The following PXDN variants were observed in gnomAD, a reference collection of about 807,000 sequenced individuals.
The protein encoded by PXDN is peroxidasin, also known as peroxidasin homolog.
In PXDN, 77 loss-of-function variants were observed where a neutral mutation model predicts 140.3. The observed-to-expected ratio is 0.55, with a 90% confidence interval of 0.46 to 0.66. PXDN has a LOEUF of 0.66. Among genes scored for constraint, PXDN ranks in the 30% least tolerant of loss-of-function variants. The pLI is 0.00. For missense variants in PXDN, 1,838 were observed against 2,039.5 expected (o/e 0.90, Z 1.90); for synonymous variants, 911 against 857.4 (o/e 1.06, Z -1.09).
At chr2:1,658,248 A>T (rs1249949757) in intron 14 of PXDN, among the ~76,000 whole-genome samples, 1 of 141,986 alleles carries the variant, frequency 7.0e-6, no homozygotes, top group African/African-American at 3.1e-5. Flanking sequence ...GTTGTCTTCA[A>T]ATTTACACCA....
At chr2:1,664,755 C>T in intron 11 of PXDN, 2 of 551,210 alleles carry the variant, frequency 3.6e-6, no homozygotes, top group Non-Finnish European at 6.5e-6. Context: ...CCATGATGTC[C>T]ATGAGGGACG....
At position 1,743,702 on chromosome 2, in the gene PXDN, GGGA is replaced by G. The variant is rs1421779467; in HGVS notation, c.200+551_200+553del. On this transcript the variant is annotated intron_variant, in intron 1 of 22. Coordinates refer to ENST00000252804, the MANE Select transcript of PXDN (RefSeq NM_012293.3). ...GAGGAAGGGGAGGAGGAGGAGGAAGGGGAGGAGGAGGAGGAAGGGGAGGAGGAA... is the reference window on the plus strand; with the variant it reads ...GAGGAAGGGGAGGAGGAGGAGGAAGGGGAGGAGGAGGAAGGGGAGGAGGAA... 1.4e-3 allele frequency among the ~76,000 whole-genome samples: 48 copies of G among 34,030 alleles called. 1 individual carries two copies. Among genetic ancestry groups the G allele is most frequent in the African/African-American group, 4.5e-3 (32 of 7,044 alleles). The allele number at this position is 34,030 out of a possible 152,430, so 22.3% of individuals were successfully genotyped here.
rs73910818 is a variant in PXDN, at chr2:1,661,433, G to A, written c.1681-396C>T. On this transcript the variant is annotated intron_variant, in intron 13 of 22. Transcript: ENST00000252804. ...GGCAAAGAAGGATTCAGAGGCAGAC[G>A]CAGAGGGACAGGTGACCTCCCAGCT... 8.7e-3 allele frequency among the ~76,000 whole-genome samples: 1,318 copies of A among 152,322 alleles called. 13 individuals carry two copies. The highest frequency in any genetic ancestry group is 0.03 in the African/African-American group (1,242 of 41,570).
At chr2:1,732,428 C>A (rs1234442975) in intron 1 of PXDN, among the ~76,000 whole-genome samples, 1 of 148,376 alleles carries the variant, frequency 6.7e-6, no homozygotes, top group Admixed American at 6.8e-5. Context: ...ACACACGGGG[C>A]CAGAAGGATC....
At chr2:1,741,060 T>A (rs188430496) in intron 1 of PXDN, among the ~76,000 whole-genome samples, 2 of 152,084 alleles carry the variant, frequency 1.3e-5, no homozygotes, top group African/African-American at 4.8e-5. Flanking sequence ...TCCATGACCA[T>A]AGCCTCAACC....
At chr2:1,640,936 A>G (rs541389909) in intron 19 of PXDN, among the ~76,000 whole-genome samples, 4 of 152,160 alleles carry the variant, frequency 2.6e-5, no homozygotes, top group African/African-American at 4.8e-5. Flanking sequence ...CCGTCCCTCC[A>G]GGATGGCCGT....
rs919487842 is a variant in PXDN, at chr2:1,714,041, C to G, written c.201-20907G>C. Among the ~76,000 whole-genome samples the G allele has an allele frequency of 5.3e-5, 8 of 152,194 alleles. No individual in the cohort carries two copies. The highest frequency in any genetic ancestry group is 1.9e-4 in the African/African-American group (8 of 41,458). ...AACATGGCCCAGCCTGGGCAACCTA[C>G]GATAATATTGGCACTGGCGGCTTTG... On this transcript the variant is annotated intron_variant, in intron 1 of 22. Transcript: ENST00000252804. The surrounding 1 kb of genome is among the most constrained non-coding windows in gnomAD (Gnocchi z 4.3).
rs1479237027 is a variant in PXDN at position 1,648,803 on chromosome 2, G to A, written c.2977C>T (p.Arg993Cys). Residue 993 changes from arginine (R) to cysteine (C), a missense_variant, in exon 17 of 23, where the codon CGC (arginine) becomes TGC (cysteine). Around this residue, in one of 5 missense-constraint regions of PXDN, gnomAD observed 850 missense variants for 894.1 expected, o/e 0.95. Coordinates refer to ENST00000252804, the MANE Select transcript of PXDN (RefSeq NM_012293.3). The surrounding 1 kb of genome is among the most constrained non-coding windows in gnomAD (Gnocchi z 8.9). The stretch of plus-strand genomic sequence containing the variant: ...TCCGTGGCAATGCGGTTGTGCTCGC[G>A]GAACCACAGCGTGTGCATGCTGGTC... The part of the protein sequence containing the change: ...GLTSMHTLWF[R>C]EHNRIATELL... 3 of 1,602,984 alleles carry A rather than the reference G, an allele frequency of 1.9e-6. No individual in the cohort carries two copies. The highest frequency in any genetic ancestry group is 1.7e-5 in the Admixed American group (1 of 58,860).
chr2:1,649,101 G>T lies in PXDN; in HGVS notation c.2679C>A (p.Leu893=), dbSNP rs1024305104. ...PVCGSGMTSL[L]MNSVYPREQI... ...GCTCCCGCGGGTACACGGAGTTCAT[G>T]AGCAGCGAAGTCATGCCGCTGCCGC... The change falls in exon 17 of 23, where the codon CTC becomes CTA. Residue 893 remains leucine, a synonymous_variant. Transcript: ENST00000252804. The surrounding 1 kb of genome is among the most constrained non-coding windows in gnomAD (Gnocchi z 7.1). 1.2e-6 allele frequency: 2 copies of T among 1,612,664 alleles called. No homozygotes were observed. Among genetic ancestry groups the T allele is most frequent in the Non-Finnish European group, 1.7e-6 (2 of 1,179,858 alleles).
At chr2:1,736,415 G>T (rs892743407) in intron 1 of PXDN, among the ~76,000 whole-genome samples, 2 of 152,156 alleles carry the variant, frequency 1.3e-5, no homozygotes, top group Non-Finnish European at 2.9e-5. Context: ...GAGATGGAGG[G>T]ACGGCCAGTC....
chr2:1,641,802 C>G (rs1682734102), intron 19 of PXDN, among the ~76,000 whole-genome samples: 1 of 152,204 alleles, frequency 6.6e-6, no homozygotes, highest in Admixed American at 6.5e-5. Flanking sequence ...AGCAAAAGAA[C>G]AGAAAGCCTG....
chr2:1,655,436 C>G (rs1218403507), intron 14 of PXDN, among the ~76,000 whole-genome samples: 1 of 151,490 alleles, frequency 6.6e-6, no homozygotes, highest in Non-Finnish European at 1.5e-5. Flanking sequence ...ATTGTACACA[C>G]AAACACACAT....
intron 8 of PXDN, 56 bp from the exon 9 acceptor site, chr2:1,673,868 A>AC (rs1374660487): frequency 1.3e-6 from 2 of 1,581,138 alleles, no homozygotes; most frequent in African/African-American, 2.7e-5. Flanking sequence ...GACGTACCTC[A>AC]CCCATCCCCA....
chr2:1,727,190 AC>A (rs2125486479), intron 1 of PXDN, among the ~76,000 whole-genome samples: 1 of 152,274 alleles, frequency 6.6e-6, no homozygotes, highest in East Asian at 1.9e-4. Context: ...GCGAGCACAC[AC>A]AGCCCACCCT....
At position 1,663,690 on chromosome 2, in the gene PXDN, G is replaced by T. The variant is rs1284146763; in HGVS notation, c.1482C>A (p.Leu494=). Residue 494 remains leucine (L), a synonymous_variant, in exon 12 of 23, where the codon CTC becomes CTA. Transcript: ENST00000252804. The stretch of plus-strand genomic sequence containing the variant: ...GGCATTCGTACTGGCCCTGGTCGTG[G>T]AGGGCAACACCAGAGATTCTAAGTG... ...SGTLRISGVA[L]HDQGQYECQA... 7 of 1,613,970 alleles carry T rather than the reference G, an allele frequency of 4.3e-6. No individual in the cohort carries two copies. The Admixed American group carries it at 5.0e-5, about 12-fold the overall frequency.
intron 4 of PXDN, among the ~76,000 whole-genome samples, chr2:1,686,132 C>T (rs1684051407): frequency 6.6e-6 from 1 of 152,214 alleles, no homozygotes; most frequent in African/African-American, 2.4e-5. Context: ...CACAAGCCAC[C>T]CTCCCTGGAC....
intron 1 of PXDN, among the ~76,000 whole-genome samples, chr2:1,734,563 C>T (rs1239620890): frequency 6.6e-6 from 1 of 152,154 alleles, no homozygotes; most frequent in Non-Finnish European, 1.5e-5. Context: ...CACAGTAGAA[C>T]TTCTTTCAAA....
rs941418513 is a variant in PXDN, at chr2:1,633,335, C to T, written c.*869G>A. The stretch of plus-strand genomic sequence containing the variant: ...GTTGTCAACACACACCCTTGGCCCT[C>T]GGCAGGTATCAGATACACAATGGGA... On this transcript the variant is annotated 3_prime_UTR_variant, in exon 23 of 23. Coordinates refer to ENST00000252804, the MANE Select transcript of PXDN (RefSeq NM_012293.3). The T allele has an allele frequency of 2.6e-5, 4 of 151,844 alleles. No individual in the cohort carries two copies. The highest frequency in any genetic ancestry group is 6.6e-5 in the Admixed American group (1 of 15,228). 9.4% of individuals were successfully genotyped at this position (151,844 alleles called of 1,614,324 possible).
At chr2:1,720,579 G>T (rs1013242188) in intron 1 of PXDN, among the ~76,000 whole-genome samples, 2 of 141,848 alleles carry the variant, frequency 1.4e-5, no homozygotes, top group African/African-American at 2.6e-5. Context: ...AGAGCCTGGG[G>T]AGGCAGCCGA....
Sources: allele counts gnomAD v4.1 joint callset (sites outside exome capture counted in the v4.1 genomes callset), GRCh38; gene constraint gnomAD v4.1.1; regional missense constraint gnomAD v4.1.1; non-coding constraint Gnocchi (gnomAD v3.1); transcripts MANE v1.5; gene names NCBI Gene and HGNC (gene_info 2026-07-23, HGNC 2026-07-21).